The following LIMS1 variants were observed in gnomAD, a reference collection of about 807,000 sequenced individuals.
The protein encoded by LIMS1 is LIM and senescent cell antigen-like-containing domain protein 1.
A neutral mutation model predicts 44.1 loss-of-function variants in LIMS1; 18 were observed. The ratio of observed to expected loss-of-function variants is 0.41; its 90% CI spans 0.28 to 0.61. The LOEUF is 0.61. Ranked by LOEUF, LIMS1 falls within the 20% of genes least tolerant of loss-of-function variation. The pLI, the probability that LIMS1 is intolerant of heterozygous loss-of-function variation, is 0.32. For missense variants in LIMS1, 201 were observed against 422.0 expected (o/e 0.48, Z 4.59); for synonymous variants, 93 against 149.1 (o/e 0.62, Z 2.74).
chr2:108,613,886 GCTCCCCTCCCTGCTGTCA>G (rs1687792440), intron 1 of LIMS1, among the ~76,000 whole-genome samples: 1 of 151,944 alleles, frequency 6.6e-6, no homozygotes, highest in Non-Finnish European at 1.5e-5. Flanking sequence ...CTGCTGTCCT[GCTCCCCTCCCTGCTGTCA>G]GCATCCACTC....
At chr2:108,602,582 G>A (rs1005193294) in intron 1 of LIMS1, among the ~76,000 whole-genome samples, 1 of 152,128 alleles carries the variant, frequency 6.6e-6, no homozygotes. Context: ...CTGTTGATAT[G>A]ATGTATCACA....
At chr2:108,546,848 G>A (rs1322343079) in intron 1 of LIMS1, among the ~76,000 whole-genome samples, 1 of 152,122 alleles carries the variant, frequency 6.6e-6, no homozygotes, top group African/African-American at 2.4e-5. Flanking sequence ...TCAATACTGT[G>A]CATGTTTTAT....
At chr2:108,571,010 C>A (rs1354516700) in intron 1 of LIMS1, among the ~76,000 whole-genome samples, 1 of 152,208 alleles carries the variant, frequency 6.6e-6, no homozygotes, top group East Asian at 1.9e-4. Flanking sequence ...CTTTTAAAAT[C>A]TCTGGGCATT....
chr2:108,534,409 C>A lies in LIMS1; in HGVS notation c.-154C>A, dbSNP rs891691416. Reference sequence around the variant, plus strand: ...GCGCGGCCCGCCTCGCCTTCCCCCCCCTCCCGCGCCCCCGCGCGGCCGGCC... The same window carrying A: ...GCGCGGCCCGCCTCGCCTTCCCCCCACTCCCGCGCCCCCGCGCGGCCGGCC... On this transcript the variant is annotated 5_prime_UTR_variant, in exon 1 of 10. Transcript: ENST00000544547. 1.3e-3 allele frequency: 491 copies of A among 392,776 alleles called. 1 individual carries two copies. The highest frequency in any genetic ancestry group is 1.2e-3 in the Non-Finnish European group (303 of 251,998). The allele number at this position is 392,776 out of a possible 1,614,324, so 24.3% of individuals were successfully genotyped here. A position where few individuals can be genotyped will look rare whatever the true frequency, so the allele number is the denominator to read the frequency against.
At chr2:108,536,565 C>G (rs1371646774) in intron 1 of LIMS1, among the ~76,000 whole-genome samples, 1 of 152,176 alleles carries the variant, frequency 6.6e-6, no homozygotes, top group Non-Finnish European at 1.5e-5. Context: ...CTACTACGAA[C>G]AAATAGACAG....
chr2:108,644,747 G>A (rs181246435), intron 1 of LIMS1, among the ~76,000 whole-genome samples: 6 of 151,994 alleles, frequency 3.9e-5, no homozygotes, highest in East Asian at 1.9e-4. Context: ...AGTTAAGAAC[G>A]CTGAAAAAAG....
chr2:108,616,275 A>AG (rs1687930275), intron 1 of LIMS1, among the ~76,000 whole-genome samples: 1 of 141,354 alleles, frequency 7.1e-6, no homozygotes, highest in East Asian at 2.1e-4. Flanking sequence ...GTGTGACCAT[A>AG]GCTCACTGCA....
At chr2:108,612,156 C>G (rs1263202152) in intron 1 of LIMS1, among the ~76,000 whole-genome samples, 3 of 150,928 alleles carry the variant, frequency 2.0e-5, no homozygotes, top group Non-Finnish European at 4.4e-5. Flanking sequence ...TCAGGCCTTT[C>G]TTTTATTAGT....
intron 1 of LIMS1, among the ~76,000 whole-genome samples, chr2:108,600,552 G>A (rs985582984): frequency 6.6e-6 from 1 of 152,178 alleles, no homozygotes; most frequent in Admixed American, 6.5e-5. Context: ...TGTTTATGGT[G>A]AGAGGTAGGG....
At chr2:108,661,347 T>C (rs1691353497) in intron 2 of LIMS1, among the ~76,000 whole-genome samples, 1 of 151,682 alleles carries the variant, frequency 6.6e-6, no homozygotes. Context: ...TTTTTTTTTT[T>C]TTAACTTTAT....
intron 1 of LIMS1, among the ~76,000 whole-genome samples, chr2:108,584,978 C>T (rs959500881): frequency 6.6e-6 from 1 of 151,864 alleles, no homozygotes; most frequent in Admixed American, 6.6e-5. Flanking sequence ...TGGTGAAACC[C>T]TGTCTCTACC....
intron 1 of LIMS1, among the ~76,000 whole-genome samples, chr2:108,577,647 C>T (rs1369727692): frequency 3.3e-5 from 5 of 152,158 alleles, no homozygotes; most frequent in Non-Finnish European, 4.4e-5. Context: ...AATGTTTTTA[C>T]ATTCTTAAAA....
At chr2:108,677,793 GTTTTTC>G (rs1451625860) in intron 7 of LIMS1, among the ~76,000 whole-genome samples, 180 bp from the exon 8 acceptor site, 3 of 152,222 alleles carry the variant, frequency 2.0e-5, no homozygotes, top group African/African-American at 7.2e-5. Context: ...CATCTGGAAA[GTTTTTC>G]TTTTAATTGA....
chr2:108,587,253 G>A (rs550099236), intron 1 of LIMS1, among the ~76,000 whole-genome samples: 1 of 151,340 alleles, frequency 6.6e-6, no homozygotes, highest in East Asian at 1.9e-4. Context: ...CTCAGTGTTG[G>A]ATAACAAGCA....
At chr2:108,662,719 G>C in intron 2 of LIMS1, 1 of 936,704 alleles carries the variant, frequency 1.1e-6, no homozygotes, top group Non-Finnish European at 1.3e-6. Context: ...AAGAAAGCTT[G>C]GAAACTTACC....
At chr2:108,569,789 TGAG>T (rs1345819168) in intron 1 of LIMS1, among the ~76,000 whole-genome samples, 1 of 146,698 alleles carries the variant, frequency 6.8e-6, no homozygotes, top group Non-Finnish European at 1.5e-5. Context: ...TTTTTAGTGA[TGAG>T]GTCTTGCTAT....
At chr2:108,539,397 A>G (rs1009185777) in intron 1 of LIMS1, among the ~76,000 whole-genome samples, 3 of 152,166 alleles carry the variant, frequency 2.0e-5, no homozygotes, top group East Asian at 3.9e-4. Context: ...CAGAGTTTTC[A>G]TAGCTTTCTG....
At chr2:108,550,825 A>G (rs4012158) in intron 1 of LIMS1, among the ~76,000 whole-genome samples, 52,884 of 150,932 alleles carry the variant, frequency 0.35, 11,448 homozygotes, top group East Asian at 0.88. Flanking sequence ...CAAAAAAAAA[A>G]AAACCCAGCT....
intron 2 of LIMS1, chr2:108,662,272 C>T (rs772810248): frequency 7.7e-5 from 124 of 1,611,924 alleles, no homozygotes; most frequent in Non-Finnish European, 7.0e-5. Flanking sequence ...GCAGCATGAC[C>T]GCTTCCTGAG....
Sources: allele counts gnomAD v4.1 joint callset (sites outside exome capture counted in the v4.1 genomes callset), GRCh38; gene constraint gnomAD v4.1.1; transcripts MANE v1.5; gene names NCBI Gene and HGNC (gene_info 2026-07-23, HGNC 2026-07-21).